The following EIF2AK2 variants were observed in gnomAD, a reference collection of about 807,000 sequenced individuals.
EIF2AK2 encodes interferon-induced, double-stranded RNA-activated protein kinase.
Under a neutral mutation model 70.5 loss-of-function variants are expected in EIF2AK2, and 40 were observed. The ratio of observed to expected loss-of-function variants is 0.57; its 90% CI spans 0.44 to 0.74. The LOEUF (loss-of-function observed/expected upper bound fraction) is 0.74. Among genes scored for constraint, EIF2AK2 ranks in the 30% least tolerant of loss-of-function variants. The probability of loss-of-function intolerance (pLI) is 0.00; values close to 1 mark genes in which losing one functional copy is unlikely to be tolerated. For synonymous variants in EIF2AK2, 198 were observed against 220.9 expected (o/e 0.90, Z 0.92); for missense variants, 555 against 644.3 (o/e 0.86, Z 1.50).
At chr2:37,120,373 C>G (rs569232937) in intron 12 of EIF2AK2, among the ~76,000 whole-genome samples, 1 of 151,374 alleles carries the variant, frequency 6.6e-6, no homozygotes, top group East Asian at 2.0e-4. Context: ...GGCGTGGTGG[C>G]GGGCGCCTGT....
At chr2:37,117,051 A>C (rs1406190293) in intron 13 of EIF2AK2, among the ~76,000 whole-genome samples, 1 of 151,942 alleles carries the variant, frequency 6.6e-6, no homozygotes, top group African/African-American at 2.4e-5. Flanking sequence ...GTCTCTACTA[A>C]AAATACAAAA....
chr2:37,144,596 T>A (rs1384327079), intron 4 of EIF2AK2, among the ~76,000 whole-genome samples: 1 of 151,892 alleles, frequency 6.6e-6, no homozygotes, highest in African/African-American at 2.4e-5. Flanking sequence ...TTTCTTTTTT[T>A]TTTTTGAGAC....
chr2:37,107,569 C>G (rs1486953210), intron 15 of EIF2AK2, 42 bp from the exon 16 acceptor site: 1 of 1,575,686 alleles, frequency 6.3e-7, no homozygotes, highest in South Asian at 1.2e-5. Context: ...AAATTATTTA[C>G]TTGGGAGGAA....
intron 4 of EIF2AK2, among the ~76,000 whole-genome samples, chr2:37,142,859 T>C (rs2148706678): frequency 6.6e-6 from 1 of 152,286 alleles, no homozygotes; most frequent in Middle Eastern, 3.4e-3. Context: ...ATTTTTACAT[T>C]TTACATAGTT....
intron 1 of EIF2AK2, among the ~76,000 whole-genome samples, chr2:37,152,231 C>A (rs192924875): frequency 8.7e-4 from 133 of 152,330 alleles, no homozygotes; most frequent in African/African-American, 3.0e-3. Flanking sequence ...CTGTAAACCT[C>A]TTAATTCTTC....
Position 37,101,249 on chromosome 2 carries a change from AAAATTTGAT to A in EIF2AK2, c.*6015_*6023del, listed in dbSNP as rs1474396292. The A allele has an allele frequency of 6.6e-6, 1 of 152,248 alleles. No homozygotes were observed. Among genetic ancestry groups the A allele is most frequent in the African/African-American group, 2.4e-5 (1 of 41,460 alleles). The allele number at this position is 152,248 out of a possible 1,614,324, so 9.4% of individuals were successfully genotyped here. A position where few individuals can be genotyped will look rare whatever the true frequency, so the allele number is the denominator to read the frequency against. On this transcript the variant is annotated 3_prime_UTR_variant, in exon 17 of 17. Transcript: ENST00000233057. ...GGTTGCTAGGGCACTAACTCACTCT[AAAATTTGAT>A]AAATATTTATCGCATCTTTCCCATT...
At chr2:37,132,480 T>C (rs2148692684) in intron 10 of EIF2AK2, among the ~76,000 whole-genome samples, 1 of 152,210 alleles carries the variant, frequency 6.6e-6, no homozygotes, top group South Asian at 2.1e-4. Context: ...TCCCAGCTAC[T>C]CAGGAGGCTG....
chr2:37,138,634 C>A (rs1675212885), intron 6 of EIF2AK2, 49 bp from the exon 7 acceptor site: 1 of 1,536,920 alleles, frequency 6.5e-7, no homozygotes, highest in African/African-American at 1.4e-5. Flanking sequence ...CTAATTATTT[C>A]TCTACAGAGG....
intron 10 of EIF2AK2, 46 bp from the exon 11 acceptor site, chr2:37,126,457 C>T (rs1218273934): frequency 6.3e-7 from 1 of 1,582,628 alleles, no homozygotes; most frequent in Non-Finnish European, 8.6e-7. Context: ...ATGCTCAACC[C>T]CCACCCCCCC....
chr2:37,138,490 A>G lies in EIF2AK2; in HGVS notation c.593+19T>C, dbSNP rs761545201. 1.5e-5 allele frequency: 24 copies of G among 1,612,548 alleles called. No homozygotes were observed. Among genetic ancestry groups the G allele is most frequent in the Non-Finnish European group, 2.0e-5 (23 of 1,179,290 alleles). On this transcript the variant is annotated intron_variant, in intron 7 of 16. Coordinates refer to ENST00000233057, the MANE Select transcript of EIF2AK2 (RefSeq NM_001135651.3). The stretch of plus-strand genomic sequence containing the variant: ...AAATATGAATATGTTAAGTATCTCA[A>G]TTGTTTGTCTACACTTACAGTGTGC...
At chr2:37,119,049 A>G (rs1412239716) in intron 13 of EIF2AK2, among the ~76,000 whole-genome samples, 8 of 152,190 alleles carry the variant, frequency 5.3e-5, no homozygotes, top group Non-Finnish European at 7.3e-5. Flanking sequence ...GCAAAGGTCC[A>G]GGGACAGGAT....
chr2:37,129,564 C>T (rs963731581), intron 10 of EIF2AK2, among the ~76,000 whole-genome samples: 7 of 152,140 alleles, frequency 4.6e-5, no homozygotes, highest in Admixed American at 2.0e-4. Context: ...TTAATTGGGA[C>T]GGTATCTGGT....
intron 8 of EIF2AK2, among the ~76,000 whole-genome samples, chr2:37,137,983 G>A (rs989176204): frequency 2.6e-5 from 4 of 151,746 alleles, no homozygotes; most frequent in Middle Eastern, 3.4e-3. Flanking sequence ...TGGTACACGC[G>A]CATGTAATCC....
chr2:37,124,121 CCA>C (rs1674650657), intron 11 of EIF2AK2, among the ~76,000 whole-genome samples: 1 of 151,904 alleles, frequency 6.6e-6, no homozygotes, highest in Non-Finnish European at 1.5e-5. Flanking sequence ...GCACACACCA[CCA>C]CACTTGGCTA....
At chr2:37,111,878 A>ATAT (rs1238994487) in intron 14 of EIF2AK2, among the ~76,000 whole-genome samples, 3 of 69,128 alleles carry the variant, frequency 4.3e-5, no homozygotes, top group African/African-American at 1.9e-4. Context: ...AAAAAAAAAA[A>ATAT]ATATATATAT....
At chr2:37,121,040 G>T (rs1413274797) in intron 12 of EIF2AK2, among the ~76,000 whole-genome samples, 1 of 148,710 alleles carries the variant, frequency 6.7e-6, no homozygotes, top group Admixed American at 6.8e-5. Flanking sequence ...GAGGCGGGTG[G>T]ATCACGAGGT....
At position 37,106,194 on chromosome 2, in the gene EIF2AK2, C is replaced by A. The variant is rs1673959089; in HGVS notation, c.*1079G>T. ...CATCACATTTGTTGGGTTTTTTATA[C>A]AAAATGATTTAGTTTTGCATGCTCT... is the stretch of plus-strand genomic sequence containing the variant. On this transcript the variant is annotated 3_prime_UTR_variant, in exon 17 of 17. Coordinates refer to ENST00000233057, the MANE Select transcript of EIF2AK2 (RefSeq NM_001135651.3). 2 of 152,086 alleles carry A rather than the reference C, an allele frequency of 1.3e-5. No individual in the cohort carries two copies. The highest frequency in any genetic ancestry group is 4.8e-5 in the African/African-American group (2 of 41,404). 9.4% of individuals were successfully genotyped at this position (152,086 alleles called of 1,614,324 possible).
chr2:37,122,928 G>A (rs1049144311), intron 11 of EIF2AK2, among the ~76,000 whole-genome samples: 2 of 152,154 alleles, frequency 1.3e-5, no homozygotes, highest in African/African-American at 2.4e-5. Flanking sequence ...AGCACTTTGG[G>A]AGGCGAAGGT....
At position 37,108,976 on chromosome 2, in the gene EIF2AK2, T is replaced by G. The variant is rs542453548; in HGVS notation, c.1479+218A>C. Among the ~76,000 whole-genome samples, 5 of 152,338 alleles carry G rather than the reference T, an allele frequency of 3.3e-5. No individual in the cohort carries two copies. The South Asian group carries it at 1.0e-3, about 32-fold the overall frequency. On this transcript the variant is annotated intron_variant, in intron 15 of 16. Transcript: ENST00000233057. ...GACAAGTCTTACAAGTCTTATGAGA[T>G]GTACTACCTTCCAGGGAAGATCAAA... is the stretch of plus-strand genomic sequence containing the variant.
Sources: gnomAD v4.1 joint callset for allele counts (sites outside exome capture counted in the v4.1 genomes callset) on GRCh38, gnomAD v4.1.1 for gene constraint, MANE v1.5 for transcripts, NCBI Gene and HGNC (gene_info 2026-07-23, HGNC 2026-07-21) for gene names.